The following SLC4A10 variants were observed in gnomAD, a reference collection of about 807,000 sequenced individuals.
SLC4A10 encodes sodium-driven chloride bicarbonate exchanger.
In SLC4A10, 42 loss-of-function variants were observed where a neutral mutation model predicts 137.7. The observed-to-expected ratio is 0.30, with a 90% CI of 0.24 to 0.39. SLC4A10 has a LOEUF of 0.39. Ranked by LOEUF, SLC4A10 falls within the 10% of genes least tolerant of loss-of-function variation. SLC4A10 has a pLI of 1.00. For missense variants in SLC4A10, 925 were observed against 1,355.0 expected (o/e 0.68, Z 4.98); for synonymous variants, 474 against 464.1 (o/e 1.02, Z -0.27).
chr2:161,752,471 C>T (rs940509525), intron 1 of SLC4A10, among the ~76,000 whole-genome samples: 3 of 151,980 alleles, frequency 2.0e-5, no homozygotes, highest in Non-Finnish European at 4.4e-5. Context: ...AATTTCTCAC[C>T]ATATGATCCA....
intron 3 of SLC4A10, among the ~76,000 whole-genome samples, chr2:161,817,574 G>T (rs1035948119): frequency 6.6e-6 from 1 of 152,124 alleles, no homozygotes; most frequent in Non-Finnish European, 1.5e-5. Flanking sequence ...GTCCTGAATG[G>T]TATTGCCTAG....
intron 1 of SLC4A10, among the ~76,000 whole-genome samples, chr2:161,734,329 C>T (rs1448697736): frequency 6.6e-6 from 1 of 152,144 alleles, no homozygotes; most frequent in East Asian, 1.9e-4. Context: ...ACATTCCCTA[C>T]TACTGTTCTC....
At chr2:161,772,717 T>G (rs956313978) in intron 2 of SLC4A10, among the ~76,000 whole-genome samples, 1 of 151,894 alleles carries the variant, frequency 6.6e-6, no homozygotes, top group Non-Finnish European at 1.5e-5. Flanking sequence ...AAATTAACAT[T>G]GAATTTTACA....
intron 1 of SLC4A10, among the ~76,000 whole-genome samples, chr2:161,696,555 GTT>G (rs2042534866): frequency 6.8e-6 from 1 of 146,352 alleles, no homozygotes; most frequent in African/African-American, 2.5e-5. Context: ...AACATGCAGT[GTT>G]TGGTTTTTTG....
chr2:161,884,105 A>G (rs1287187241), intron 10 of SLC4A10, among the ~76,000 whole-genome samples: 1 of 152,194 alleles, frequency 6.6e-6, no homozygotes, highest in Non-Finnish European at 1.5e-5. Context: ...GATTTAGCAG[A>G]ACTCTCTCTG....
chr2:161,652,765 G>C (rs2036975889), intron 1 of SLC4A10, among the ~76,000 whole-genome samples: 1 of 143,162 alleles, frequency 7.0e-6, no homozygotes, highest in Non-Finnish European at 1.5e-5. Flanking sequence ...CCTTTACCCT[G>C]GCCCTTGAAA....
chr2:161,806,330 G>A (rs1198855831), intron 3 of SLC4A10, among the ~76,000 whole-genome samples: 1 of 151,986 alleles, frequency 6.6e-6, no homozygotes, highest in Non-Finnish European at 1.5e-5. Flanking sequence ...ATTGTCTTGG[G>A]GATTAACATT....
intron 2 of SLC4A10, among the ~76,000 whole-genome samples, chr2:161,789,230 T>C (rs113456789): frequency 0.027 from 4,135 of 152,238 alleles, 173 homozygotes; most frequent in African/African-American, 0.094. Context: ...TGCCTGGGAT[T>C]TCAAGGGCAG....
intron 19 of SLC4A10, among the ~76,000 whole-genome samples, chr2:161,956,281 C>A (rs933770697): frequency 2.0e-5 from 3 of 152,252 alleles, no homozygotes; most frequent in Middle Eastern, 3.4e-3. Context: ...GGCACAAGAG[C>A]TTAAGTGATT....
intron 8 of SLC4A10, among the ~76,000 whole-genome samples, chr2:161,877,373 G>A (rs1306913402): frequency 6.6e-6 from 1 of 151,946 alleles, no homozygotes; most frequent in East Asian, 1.9e-4. Context: ...TCCATTGAGA[G>A]AGAAAACTTA....
chr2:161,735,307 C>A (rs941533252), intron 1 of SLC4A10, among the ~76,000 whole-genome samples: 1 of 151,282 alleles, frequency 6.6e-6, no homozygotes, highest in African/African-American at 2.4e-5. Context: ...TTAAAAAATT[C>A]TTTTTCATTA....
intron 16 of SLC4A10, among the ~76,000 whole-genome samples, chr2:161,944,278 G>A (rs1227714563): frequency 6.6e-6 from 1 of 151,502 alleles, no homozygotes; most frequent in Non-Finnish European, 1.5e-5. Context: ...CACTTTCTTT[G>A]GTAAACTATA....
chr2:161,730,855 T>G (rs2046751351), intron 1 of SLC4A10, among the ~76,000 whole-genome samples: 1 of 152,210 alleles, frequency 6.6e-6, no homozygotes, highest in Non-Finnish European at 1.5e-5. Flanking sequence ...TCATAACAAC[T>G]GGTAAAGAGC....
At chr2:161,804,089 A>G (rs1223562726) in intron 2 of SLC4A10, among the ~76,000 whole-genome samples, 3 of 152,148 alleles carry the variant, frequency 2.0e-5, no homozygotes, top group African/African-American at 7.2e-5. Flanking sequence ...CTGTGAAGGG[A>G]AGGGATTTGA....
At chr2:161,874,075 TC>T in intron 8 of SLC4A10, 70 bp downstream of exon 8, 1 of 1,428,272 alleles carries the variant, frequency 7.0e-7, no homozygotes, top group Non-Finnish European at 9.5e-7. Flanking sequence ...GGCATGTGAT[TC>T]AAACATTAAG....
chr2:161,709,556 GACATTT>G, intron 1 of SLC4A10, among the ~76,000 whole-genome samples: 1 of 151,654 alleles, frequency 6.6e-6, no homozygotes, highest in Middle Eastern at 3.4e-3. Context: ...GAAAGCTTGT[GACATTT>G]AAGCTTGTTG....
At chr2:161,958,176 A>G (rs1695999762) in intron 20 of SLC4A10, among the ~76,000 whole-genome samples, 1 of 152,146 alleles carries the variant, frequency 6.6e-6, no homozygotes, top group South Asian at 2.1e-4. Flanking sequence ...GCATAATAAT[A>G]ATATTATTGT....
rs373173903 is a variant in SLC4A10, at chr2:161,884,385, A to G, written c.1194+1941A>G. ...CTTCTCTTCATCCTCTACTTCCCCA[A>G]TTGGGAATCAAGATTTTTCTCGACA... On this transcript the variant is annotated intron_variant, in intron 10 of 26. Coordinates refer to ENST00000446997, the MANE Select transcript of SLC4A10 (RefSeq NM_001178015.2). Among the ~76,000 whole-genome samples the G allele has an allele frequency of 1.1e-4, 17 of 152,244 alleles. No individual in the cohort carries two copies. The South Asian group carries it at 1.2e-3, about 11-fold the overall frequency.
intron 2 of SLC4A10, among the ~76,000 whole-genome samples, chr2:161,799,028 C>G (rs1031197849): frequency 2.0e-5 from 3 of 151,132 alleles, no homozygotes; most frequent in Non-Finnish European, 4.4e-5. Flanking sequence ...CTGCTTATCT[C>G]AAAAAATCTT....
Sources: allele counts gnomAD v4.1 joint callset (sites outside exome capture counted in the v4.1 genomes callset), GRCh38; gene constraint gnomAD v4.1.1; transcripts MANE v1.5; gene names NCBI Gene and HGNC (gene_info 2026-07-23, HGNC 2026-07-21).